Variants in WDR72 observed in about 807,000 individuals in gnomAD.
The protein encoded by WDR72 is WD repeat-containing protein 72.
In WDR72, 120 loss-of-function variants were observed where a neutral mutation model predicts 124.2. That is an observed-to-expected ratio of 0.97 (90% CI 0.83 to 1.12). WDR72 has a LOEUF of 1.12. WDR72 is among the 50% of genes most tolerant of loss of function. The pLI, the probability that WDR72 is intolerant of heterozygous loss-of-function variation, is 0.00. For missense variants in WDR72, 1,387 were observed against 1,278.8 expected (o/e 1.08, Z -1.29); for synonymous variants, 452 against 441.7 (o/e 1.02, Z -0.29).
At chr15:53,673,849 G>T (rs1369424935) in intron 13 of WDR72, among the ~76,000 whole-genome samples, 2 of 152,092 alleles carry the variant, frequency 1.3e-5, no homozygotes, top group African/African-American at 4.8e-5. Flanking sequence ...AAATTAGCCA[G>T]GCGTGGTGCT....
chr15:53,686,574 A>T (rs2016634375), intron 13 of WDR72, among the ~76,000 whole-genome samples: 1 of 151,692 alleles, frequency 6.6e-6, no homozygotes, highest in African/African-American at 2.4e-5. Flanking sequence ...GTCCTGAGTG[A>T]CCTACAAAGA....
chr15:53,641,730 A>G (rs532741154), intron 14 of WDR72, among the ~76,000 whole-genome samples: 1 of 151,710 alleles, frequency 6.6e-6, no homozygotes, highest in African/African-American at 2.4e-5. Flanking sequence ...TTTCTTTTTA[A>G]TGACTTATGA....
At chr15:53,602,839 A>T (rs180723864) in intron 17 of WDR72, among the ~76,000 whole-genome samples, 4 of 152,218 alleles carry the variant, frequency 2.6e-5, no homozygotes, top group Admixed American at 1.3e-4. Context: ...GAGGCAGTTA[A>T]ATAAACAGCT....
intron 13 of WDR72, among the ~76,000 whole-genome samples, chr15:53,688,665 AT>A (rs771340955): frequency 2.6e-5 from 4 of 152,192 alleles, no homozygotes; most frequent in Non-Finnish European, 5.9e-5. Context: ...ATTCAATGCC[AT>A]CCCCATCAAG....
chr15:53,536,644 T>G (rs148786099), intron 18 of WDR72, among the ~76,000 whole-genome samples: 1 of 152,292 alleles, frequency 6.6e-6, no homozygotes, highest in East Asian at 1.9e-4. Context: ...GCTGACGTTT[T>G]AGAAGTGTGG....
chr15:53,745,915 C>T (rs1056909307), intron 1 of WDR72, among the ~76,000 whole-genome samples: 44 of 152,196 alleles, frequency 2.9e-4, no homozygotes, highest in African/African-American at 8.9e-4. Flanking sequence ...TTGCTCCTTA[C>T]ACACAATTGC....
chr15:53,723,565 A>G (rs2140580487), intron 2 of WDR72, among the ~76,000 whole-genome samples: 1 of 152,284 alleles, frequency 6.6e-6, no homozygotes, highest in Non-Finnish European at 1.5e-5. Context: ...ACGGATGCAG[A>G]GATAAATAAA....
rs184364048 is a variant in WDR72, at chr15:53,653,712, A to C, written c.1962+11860T>G. On this transcript the variant is annotated intron_variant, in intron 14 of 19. Coordinates refer to ENST00000360509, the MANE Select transcript of WDR72 (RefSeq NM_182758.4). ...TGTCATGCTTGTGGAAGCTGAAAAT[A>C]ATATTTCATAAACAGTTATGTGAGT... Among the ~76,000 whole-genome samples, 403 of 152,316 alleles carry C rather than the reference A, an allele frequency of 2.6e-3. 2 individuals are homozygous for C. The highest frequency in any genetic ancestry group is 9.2e-3 in the African/African-American group (381 of 41,584).
intron 16 of WDR72, among the ~76,000 whole-genome samples, chr15:53,611,870 G>A (rs2013553763): frequency 6.6e-6 from 1 of 152,042 alleles, no homozygotes; most frequent in African/African-American, 2.4e-5. Flanking sequence ...TTAATTGGAA[G>A]CTAATAATAA....
chr15:53,670,154 T>C (rs561118073), intron 13 of WDR72, among the ~76,000 whole-genome samples: 2 of 152,226 alleles, frequency 1.3e-5, no homozygotes, highest in African/African-American at 4.8e-5. Context: ...AAATATTTTG[T>C]ATTTTTCTAT....
chr15:53,552,128 A>ATG (rs34039658), intron 18 of WDR72, among the ~76,000 whole-genome samples: 25,786 of 149,304 alleles, frequency 0.17, 2,560 homozygotes, highest in South Asian at 0.3. Flanking sequence ...TATACCTATC[A>ATG]TGTGTGTGTG....
chr15:53,584,058 G>T (rs558518115), intron 18 of WDR72, among the ~76,000 whole-genome samples: 1 of 152,080 alleles, frequency 6.6e-6, no homozygotes, highest in East Asian at 1.9e-4. Context: ...AAGGATGTTT[G>T]TAGAGAAGGA....
At chr15:53,597,295 T>C in intron 17 of WDR72, 21 bp from the exon 18 acceptor site, 2 of 1,611,306 alleles carry the variant, frequency 1.2e-6, no homozygotes, top group Non-Finnish European at 1.7e-6. Flanking sequence ...TTTTTTTAAG[T>C]GAATTATTTT....
chr15:53,577,167 A>C (rs1350688765), intron 18 of WDR72, among the ~76,000 whole-genome samples: 2 of 152,120 alleles, frequency 1.3e-5, no homozygotes, highest in Non-Finnish European at 2.9e-5. Flanking sequence ...TGCCTCACAA[A>C]ATTATGACTT....
At chr15:53,575,349 A>G (rs1295726754) in intron 18 of WDR72, among the ~76,000 whole-genome samples, 4 of 152,138 alleles carry the variant, frequency 2.6e-5, no homozygotes, top group African/African-American at 9.7e-5. Flanking sequence ...CACTTTATAT[A>G]TTAGGCTATA....
At position 53,523,210 on chromosome 15, in the gene WDR72, G is replaced by A; in HGVS notation, c.3253+8C>T. The A allele has an allele frequency of 1.2e-6, 2 of 1,611,528 alleles. No homozygotes were observed. On this transcript the variant is annotated splice_region_variant and intron_variant, in intron 19 of 19. Coordinates refer to ENST00000360509, the MANE Select transcript of WDR72 (RefSeq NM_182758.4). ...TTTTATACTTGACTATTTTTAAATG[G>A]CTTTCACCTGGACTCTCAGACTCTT...
At chr15:53,693,026 G>A (rs72747368) in intron 13 of WDR72, among the ~76,000 whole-genome samples, 8,269 of 152,002 alleles carry the variant, frequency 0.054, 334 homozygotes, top group Non-Finnish European at 0.072. Context: ...TGCAGGATGC[G>A]GCATACCCCA....
At chr15:53,639,986 A>G (rs1232655324) in intron 14 of WDR72, among the ~76,000 whole-genome samples, 1 of 152,224 alleles carries the variant, frequency 6.6e-6, no homozygotes, top group Non-Finnish European at 1.5e-5. Flanking sequence ...ATTAAATTTC[A>G]TAACATTCTC....
chr15:53,686,033 C>T (rs1181249823), intron 13 of WDR72, among the ~76,000 whole-genome samples: 1 of 149,776 alleles, frequency 6.7e-6, no homozygotes, highest in Non-Finnish European at 1.5e-5. Context: ...CACCACCAGG[C>T]CTGCCTTACA....
Sources: allele counts gnomAD v4.1 joint callset (sites outside exome capture counted in the v4.1 genomes callset), GRCh38; gene constraint gnomAD v4.1.1; transcripts MANE v1.5; gene names NCBI Gene and HGNC (gene_info 2026-07-23, HGNC 2026-07-21).